The following ZMYND8 variants were observed in gnomAD, a reference collection of about 807,000 sequenced individuals.
ZMYND8 encodes MYND-type zinc finger-containing chromatin reader ZMYND8.
Under a neutral mutation model 140.8 loss-of-function variants are expected in ZMYND8, and 37 were observed. The ratio of observed to expected loss-of-function variants is 0.26; its 90% confidence interval spans 0.20 to 0.35. The LOEUF is 0.35. Among genes scored for constraint, ZMYND8 ranks in the 10% least tolerant of loss-of-function variants. The probability of loss-of-function intolerance (pLI) is 1.00; values close to 1 mark genes in which losing one functional copy is unlikely to be tolerated. For synonymous variants in ZMYND8, 592 were observed against 597.1 expected (o/e 0.99, Z 0.12); for missense variants, 1,068 against 1,570.0 (o/e 0.68, Z 5.40).
intron 5 of ZMYND8, among the ~76,000 whole-genome samples, chr20:47,293,831 G>A (rs1363376798): frequency 6.6e-6 from 1 of 152,192 alleles, no homozygotes; most frequent in Non-Finnish European, 1.5e-5. Flanking sequence ...TGTCAAGGGA[G>A]GAACCTGGTG....
chr20:47,328,094 G>C (rs908230124), intron 2 of ZMYND8, among the ~76,000 whole-genome samples: 1 of 152,122 alleles, frequency 6.6e-6, no homozygotes. Context: ...CTACAGGCAT[G>C]AGCTACCATG....
intron 2 of ZMYND8, among the ~76,000 whole-genome samples, chr20:47,341,142 A>ACGAGAGAATGAACTCATGTTT (rs375837395): frequency 9.6e-4 from 147 of 152,338 alleles, no homozygotes; most frequent in African/African-American, 3.5e-3. Flanking sequence ...AAAAGGTCAA[A>ACGAGAGAATGAACTCATGTTT]CGAGAGAATG....
At chr20:47,344,008 A>AGACT (rs2082136939) in intron 2 of ZMYND8, among the ~76,000 whole-genome samples, 1 of 133,678 alleles carries the variant, frequency 7.5e-6, no homozygotes, top group African/African-American at 3.0e-5. Flanking sequence ...TCTATCTCCC[A>AGACT]GACTGGAGTG....
intron 10 of ZMYND8, among the ~76,000 whole-genome samples, chr20:47,279,509 T>A (rs8125388): frequency 0.052 from 5,606 of 107,050 alleles, 320 homozygotes; most frequent in African/African-American, 0.18. Flanking sequence ...AAATAAATAA[T>A]AAAACAAGCC....
chr20:47,212,717 T>C lies in ZMYND8; in HGVS notation c.3493A>G (p.Arg1165Gly). The C allele has an allele frequency of 6.2e-7, 1 of 1,611,382 alleles. No individual in the cohort carries two copies. Among genetic ancestry groups the C allele is most frequent in the Non-Finnish European group, 8.5e-7 (1 of 1,178,188 alleles). Residue 1165 changes from arginine (R) to glycine (G), a missense_variant, in exon 22 of 23, where the codon AGG becomes GGG. Arg to Gly is a moderately radical substitution (Grantham distance 125). This residue lies in a region of ZMYND8 where 180 missense variants were observed against 187.8 expected (regional missense o/e 0.96). Transcript: ENST00000471951. ...GCATAGGCAGGTTGCTTGTCACACC[T>C]TTTGCTAACTGAAGAGATAGCACAG... ...LGSNQGSVSK[R>G]CDKQPAYAPT...
chr20:47,295,992 G>A (rs756329094), intron 4 of ZMYND8, among the ~76,000 whole-genome samples: 1 of 152,078 alleles, frequency 6.6e-6, no homozygotes, highest in Non-Finnish European at 1.5e-5. Flanking sequence ...GATGTGTCTC[G>A]TTGGTTGTCG....
chr20:47,318,429 G>A (rs2079591454), intron 2 of ZMYND8: 4 of 332,468 alleles, frequency 1.2e-5, no homozygotes, highest in South Asian at 9.5e-5. Flanking sequence ...CCTTCCCCAG[G>A]AATATTTGGG....
chr20:47,288,978 T>C (rs994991849), intron 7 of ZMYND8, among the ~76,000 whole-genome samples: 1 of 152,136 alleles, frequency 6.6e-6, no homozygotes, highest in Non-Finnish European at 1.5e-5. Flanking sequence ...GGCACACGCC[T>C]GTAATCCCAG....
intron 14 of ZMYND8, among the ~76,000 whole-genome samples, chr20:47,245,390 G>GCGC (rs2040444761): frequency 6.6e-6 from 1 of 152,108 alleles, no homozygotes; most frequent in African/African-American, 2.4e-5. Flanking sequence ...GGGATTACAG[G>GCGC]CGCCTGCTAC....
chr20:47,347,896 C>T lies in ZMYND8; in HGVS notation c.45G>A (p.Gln15=). Residue 15 remains glutamine (Q), a synonymous_variant, in exon 2 of 23, where the codon CAG becomes CAA. Transcript: ENST00000471951. Reference sequence around the variant, plus strand: ...AGATATCCATGCCCTCTACCACCTCCTGTTCTGTTTTTATTTCCTCTTCAG... The same window carrying T: ...AGATATCCATGCCCTCTACCACCTCTTGTTCTGTTTTTATTTCCTCTTCAG... ...SLAEEEIKTE[Q]EVVEGMDIST... 2 of 1,614,028 alleles carry T rather than the reference C, an allele frequency of 1.2e-6. No homozygotes were observed. Among genetic ancestry groups the T allele is most frequent in the Non-Finnish European group, 1.7e-6 (2 of 1,180,034 alleles).
chr20:47,226,648 CG>C, intron 18 of ZMYND8, among the ~76,000 whole-genome samples: 1 of 151,808 alleles, frequency 6.6e-6, no homozygotes, highest in South Asian at 2.1e-4. Context: ...TCCACGCATG[CG>C]GAGTGTGAAA....
intron 2 of ZMYND8, chr20:47,318,439 G>T (rs957587901): frequency 6.0e-6 from 2 of 333,210 alleles, no homozygotes; most frequent in Non-Finnish European, 1.2e-5. Flanking sequence ...GAATATTTGG[G>T]GCCCTCCCCA....
intron 16 of ZMYND8, among the ~76,000 whole-genome samples, chr20:47,235,213 C>T (rs1347666588): frequency 6.6e-6 from 1 of 152,222 alleles, no homozygotes; most frequent in Non-Finnish European, 1.5e-5. Context: ...CAAGCACTTA[C>T]TACATGCCAG....
chr20:47,350,584 T>C (rs1387907663), intron 1 of ZMYND8, among the ~76,000 whole-genome samples: 3 of 151,774 alleles, frequency 2.0e-5, no homozygotes, highest in Admixed American at 6.6e-5. Flanking sequence ...CCCACTGATG[T>C]TGGTCAATTT....
intron 2 of ZMYND8, among the ~76,000 whole-genome samples, chr20:47,321,138 G>A (rs2079913855): frequency 6.6e-6 from 1 of 152,174 alleles, no homozygotes; most frequent in African/African-American, 2.4e-5. Context: ...TAATGGCTTT[G>A]GGGAAACTGG....
At chr20:47,331,911 G>C (rs6066275) in intron 2 of ZMYND8, among the ~76,000 whole-genome samples, 2 of 152,200 alleles carry the variant, frequency 1.3e-5, no homozygotes, top group African/African-American at 4.8e-5. Context: ...ACGCTTCTAA[G>C]AAGTTTGGCT....
intron 2 of ZMYND8, among the ~76,000 whole-genome samples, chr20:47,314,839 T>G (rs1276955537): frequency 1.3e-5 from 2 of 152,146 alleles, no homozygotes; most frequent in Non-Finnish European, 2.9e-5. Context: ...CAGGCAAGTC[T>G]CCACCTCTCA....
At chr20:47,339,943 T>G (rs541520031) in intron 2 of ZMYND8, among the ~76,000 whole-genome samples, 35 of 150,366 alleles carry the variant, frequency 2.3e-4, no homozygotes, top group Non-Finnish European at 4.7e-4. Context: ...AGAAGCCAGG[T>G]GGTTTTTGTT....
At chr20:47,268,551 C>T (rs2147672958) in intron 11 of ZMYND8, among the ~76,000 whole-genome samples, 1 of 151,440 alleles carries the variant, frequency 6.6e-6, no homozygotes, top group South Asian at 2.1e-4. Context: ...CCTCGGCCTC[C>T]CAAAGTGCTG....
Sources: gnomAD v4.1 joint callset for allele counts (sites outside exome capture counted in the v4.1 genomes callset) on GRCh38, gnomAD v4.1.1 for gene constraint, gnomAD v4.1.1 regional missense constraint, MANE v1.5 for transcripts, NCBI Gene and HGNC (gene_info 2026-07-23, HGNC 2026-07-21) for gene names.